Variants in KIAA1210 observed in about 807,000 individuals in gnomAD.
KIAA1210 encodes acrosomal protein KIAA1210.
KIAA1210 carries 48 observed loss-of-function variants against 78.9 expected under a neutral mutation model. The ratio of observed to expected loss-of-function variants is 0.61; its 90% CI spans 0.48 to 0.77. KIAA1210 has a LOEUF of 0.77. KIAA1210 is among the 30% of genes least tolerant of loss of function. The pLI is 0.00. For missense variants in KIAA1210, 1,108 were observed against 1,100.0 expected (o/e 1.01, Z -0.10); for synonymous variants, 406 against 404.5 (o/e 1.00, Z -0.04).
chrX:119,088,491 G>A lies in KIAA1210; in HGVS notation c.2211C>T (p.Cys737=). 8.3e-7 allele frequency: 1 copy of A among 1,211,170 alleles called. No individual in the cohort carries two copies. The highest frequency in any genetic ancestry group is 1.1e-6 in the Non-Finnish European group (1 of 895,260). The change falls in exon 9 of 12, where the codon TGC becomes TGT. Residue 737 remains cysteine (C), a synonymous_variant. Transcript: ENST00000691062. The part of the protein sequence containing the change: ...NDFMQQLPSR[C]PSQPIMNPTV... ...TAGGATTCATAATGGGCTGAGAAGGGCATCTGGAAGGCAGCTGCTGCATAA... is the reference window on the plus strand; with the variant it reads ...TAGGATTCATAATGGGCTGAGAAGGACATCTGGAAGGCAGCTGCTGCATAA...
chrX:119,086,473 C>T (rs1927136118), intron 9 of KIAA1210, 73 bp downstream of exon 9: 3 of 955,808 alleles, frequency 3.1e-6, no homozygotes, highest in African/African-American at 1.9e-5. Context: ...GACTTTAATG[C>T]CCATTCAAGG....
chrX:119,088,036 T>C lies in KIAA1210; in HGVS notation c.2666A>G (p.Asp889Gly). 1 of 1,210,885 alleles carries C rather than the reference T, an allele frequency of 8.3e-7. No individual in the cohort carries two copies. Among genetic ancestry groups the C allele is most frequent in the Non-Finnish European group, 1.1e-6 (1 of 895,248 alleles). The stretch of plus-strand genomic sequence containing the variant: ...CCATTCTGCAGAAGTACTCATTGAG[T>C]CCAGGAACTTAGGCCTCTCCGAGGG... ...SQPSERPKFLDSMSTSAEWSS... is the reference protein window; with the variant it reads ...SQPSERPKFLGSMSTSAEWSS... Residue 889 changes from aspartate to glycine, a missense_variant, in exon 9 of 12, where the codon GAC becomes GGC. Physicochemically the swap from Asp to Gly is moderately conservative, Grantham distance 94. Transcript: ENST00000691062.
intron 2 of KIAA1210, among the ~76,000 whole-genome samples, 187 bp downstream of exon 2, chrX:119,123,395 C>G (rs1327501349): frequency 1.8e-5 from 2 of 111,967 alleles, no homozygotes; most frequent in African/African-American, 6.5e-5. Flanking sequence ...ATTGCAGGAC[C>G]TCAGGCAAAT....
At chrX:119,141,163 A>T (rs780061502) in intron 2 of KIAA1210, among the ~76,000 whole-genome samples, 1 of 110,998 alleles carries the variant, frequency 9.0e-6, no homozygotes, top group Admixed American at 9.6e-5. Context: ...TCTCCCTTTG[A>T]CTTACTTCAC....
At chrX:119,104,269 C>A (rs1322605793) in intron 6 of KIAA1210, among the ~76,000 whole-genome samples, 1 of 112,206 alleles carries the variant, frequency 8.9e-6, no homozygotes, top group African/African-American at 3.2e-5. Context: ...TACTACCAGT[C>A]TGTGCTTTAA....
intron 2 of KIAA1210, among the ~76,000 whole-genome samples, chrX:119,142,014 A>ATAAT (rs1434462046): frequency 8.9e-6 from 1 of 112,370 alleles, no homozygotes; most frequent in Non-Finnish European, 1.9e-5. Flanking sequence ...GAAGCATAAC[A>ATAAT]TAATTGTGAA....
chrX:119,133,667 CTTTCT>C (rs971682987), intron 2 of KIAA1210, among the ~76,000 whole-genome samples: 2 of 102,964 alleles, frequency 1.9e-5, no homozygotes, highest in African/African-American at 7.7e-5. Flanking sequence ...TTTTTCTTTT[CTTTCT>C]TTTTTTTTTT....
chrX:119,135,613 G>A (rs909452613), intron 2 of KIAA1210, among the ~76,000 whole-genome samples: 1 of 112,089 alleles, frequency 8.9e-6, no homozygotes, highest in Admixed American at 9.5e-5. Context: ...TGCTCTGCTA[G>A]TTCTCAAGCC....
chrX:119,128,134 T>G (rs1005416661), upstream of KIAA1210, among the ~76,000 whole-genome samples: 8 of 112,159 alleles, frequency 7.1e-5, no homozygotes, highest in Non-Finnish European at 1.5e-4. Flanking sequence ...AGTAGCTACA[T>G]TTTTAACAAG....
chrX:119,079,792 G>C lies in KIAA1210; in HGVS notation c.*1537C>G, dbSNP rs985016356. 1.8e-5 allele frequency: 2 copies of C among 111,634 alleles called. No individual in the cohort carries two copies. The highest frequency in any genetic ancestry group is 6.5e-5 in the African/African-American group (2 of 30,678). The allele number at this position is 111,634 out of a possible 1,213,427, so 9.2% of individuals were successfully genotyped here. A position where few individuals can be genotyped will look rare whatever the true frequency, so the allele number is the denominator to read the frequency against. The stretch of plus-strand genomic sequence containing the variant: ...TGGAAGGTAGGGTCTCTCCAGCCTA[G>C]TAACTTTTGAGGTGTGTGCCTCTAG... On this transcript the variant is annotated 3_prime_UTR_variant, in exon 12 of 12. Coordinates refer to ENST00000691062, the MANE Select transcript of KIAA1210 (RefSeq NM_001394962.1).
upstream of KIAA1210, among the ~76,000 whole-genome samples, chrX:119,129,063 A>T (rs1016668173): frequency 1.8e-5 from 2 of 111,715 alleles, no homozygotes. Flanking sequence ...TATCTCCTCA[A>T]CTAGAATGTA....
rs764251121 is a variant in KIAA1210, at chrX:119,104,998, C to A, written c.642G>T (p.Ala214=). The A allele has an allele frequency of 8.3e-7, 1 of 1,208,165 alleles. No homozygotes were observed. Among genetic ancestry groups the A allele is most frequent in the African/African-American group, 1.7e-5 (1 of 57,531 alleles). ...TCCCTTAATATATACTCACCTGAGT[C>A]GCTGTCAAACTCTTATGTGGTAAAG... is the stretch of plus-strand genomic sequence containing the variant. ...KKALPHKSLT[A]TQSFSELSSG... The change falls in exon 6 of 12, where the codon GCG becomes GCT. Residue 214 remains alanine, a synonymous_variant. Transcript: ENST00000691062.
chrX:119,102,635 G>A (rs758300905), intron 6 of KIAA1210, among the ~76,000 whole-genome samples: 1 of 111,286 alleles, frequency 9.0e-6, no homozygotes, highest in South Asian at 3.8e-4. Context: ...TAAAGCATGA[G>A]ATATTATAAA....
Position 119,087,720 on chromosome X carries a change from C to G in KIAA1210, c.2982G>C (p.Met994Ile). The change falls in exon 9 of 12, where the codon ATG becomes ATC. Residue 994 changes from methionine (M) to isoleucine (I), a missense_variant. Met to Ile is a conservative substitution (Grantham distance 10, BLOSUM62 1). This residue lies in a region of KIAA1210 where 179 missense variants were observed against 174.1 expected (regional missense o/e 1.03). Coordinates refer to ENST00000691062, the MANE Select transcript of KIAA1210 (RefSeq NM_001394962.1). ...QFLKRSKVQE[M>I]TSRLEKMAVE... Reference sequence around the variant, plus strand: ...CAGCCATTTTCTCTAGTCGTGAGGTCATTTCCTGAACTTTAGACCTCTTTA... The same window carrying G: ...CAGCCATTTTCTCTAGTCGTGAGGTGATTTCCTGAACTTTAGACCTCTTTA... The G allele has an allele frequency of 8.3e-7, 1 of 1,211,624 alleles. No individual in the cohort carries two copies. Among genetic ancestry groups the G allele is most frequent in the African/African-American group, 1.7e-5 (1 of 57,794 alleles).
chrX:119,123,711 T>G lies in KIAA1210; in HGVS notation c.-10-59A>C, dbSNP rs916752687. On this transcript the variant is annotated intron_variant, in intron 1 of 11. Coordinates refer to ENST00000691062, the MANE Select transcript of KIAA1210 (RefSeq NM_001394962.1). ...TCATCATTTGATATTCAGGGCGTAATGCAATCCTTTCACCCTACCCCTTAT... is the reference window on the plus strand; with the variant it reads ...TCATCATTTGATATTCAGGGCGTAAGGCAATCCTTTCACCCTACCCCTTAT... The G allele has an allele frequency of 6.5e-5, 49 of 756,835 alleles. No individual in the cohort carries two copies. The African/African-American group carries it at 7.9e-4, about 12-fold the overall frequency. The allele number at this position is 756,835 out of a possible 1,213,427, so 62.4% of individuals were successfully genotyped here. A position where few individuals can be genotyped will look rare whatever the true frequency, so the allele number is the denominator to read the frequency against.
intron 2 of KIAA1210, among the ~76,000 whole-genome samples, chrX:119,117,811 G>A (rs1192711571): frequency 9.0e-6 from 1 of 110,696 alleles, no homozygotes; most frequent in Non-Finnish European, 1.9e-5. Flanking sequence ...TAGAACTAGA[G>A]TTGAGTTCTA....
chrX:119,125,742 T>A (rs866254532), intron 1 of KIAA1210, among the ~76,000 whole-genome samples: 2 of 60,100 alleles, frequency 3.3e-5, no homozygotes, highest in Non-Finnish European at 3.1e-5. Context: ...TATATTTTTT[T>A]TTTTTTTTTT....
chrX:119,136,834 G>A (rs1366259761), intron 2 of KIAA1210, among the ~76,000 whole-genome samples: 1 of 111,931 alleles, frequency 8.9e-6, no homozygotes, highest in African/African-American at 3.3e-5. Context: ...GCTCAGCAGA[G>A]GCAGCTCCCT....
At chrX:119,149,032 G>T (rs747605597) in intron 1 of KIAA1210, among the ~76,000 whole-genome samples, 87 of 107,251 alleles carry the variant, frequency 8.1e-4, no homozygotes, top group African/African-American at 2.8e-3. Context: ...GGGGAGGTGG[G>T]GGTGTTAGGG....
Sources: gnomAD v4.1 joint callset for allele counts (sites outside exome capture counted in the v4.1 genomes callset) on GRCh38, gnomAD v4.1.1 for gene constraint, gnomAD v4.1.1 regional missense constraint, MANE v1.5 for transcripts, NCBI Gene and HGNC (gene_info 2026-07-23, HGNC 2026-07-21) for gene names.